GALNT10: variants seen among roughly 807,000 people sequenced by gnomAD.
The protein encoded by GALNT10 is GalNAc transferase 10.
In GALNT10, 41 loss-of-function variants were observed where a neutral mutation model predicts 75.0. The ratio of observed to expected loss-of-function variants is 0.55; its 90% CI spans 0.43 to 0.71. GALNT10 has a LOEUF of 0.71. Among genes scored for constraint, GALNT10 ranks in the 30% least tolerant of loss-of-function variants. The pLI is 0.00. For missense variants in GALNT10, 727 were observed against 818.5 expected, an observed-to-expected ratio of 0.89 and a Z score of 1.36; for synonymous variants, 302 against 313.0, an observed-to-expected ratio of 0.96 and a Z score of 0.37.
intron 6 of GALNT10, among the ~76,000 whole-genome samples, chr5:154,386,097 C>A (rs993961883): frequency 2.0e-5 from 3 of 152,150 alleles, no homozygotes; most frequent in Admixed American, 6.5e-5. Flanking sequence ...AAAGGAACTT[C>A]GGGTCCCATT....
At chr5:154,339,568 CAA>C (rs768488385) in intron 4 of GALNT10, among the ~76,000 whole-genome samples, 4 of 125,874 alleles carry the variant, frequency 3.2e-5, no homozygotes, top group Admixed American at 7.9e-5. Context: ...ACTGGGAGAG[CAA>C]AAAAAAAAAA....
At chr5:154,282,661 T>G (rs1328817967) in intron 1 of GALNT10, among the ~76,000 whole-genome samples, 1 of 152,218 alleles carries the variant, frequency 6.6e-6, no homozygotes, top group Non-Finnish European at 1.5e-5. Flanking sequence ...AGCTCTCTTT[T>G]GAGCTTTGTA....
chr5:154,407,042 C>G (rs1756296097), intron 8 of GALNT10, among the ~76,000 whole-genome samples: 1 of 152,180 alleles, frequency 6.6e-6, no homozygotes, highest in African/African-American at 2.4e-5. Flanking sequence ...AGTAGCCAGT[C>G]TTACATTGTT....
intron 5 of GALNT10, among the ~76,000 whole-genome samples, chr5:154,379,941 T>C (rs1755709308): frequency 6.6e-6 from 1 of 152,144 alleles, no homozygotes; most frequent in African/African-American, 2.4e-5. Context: ...AGGGTGCCAG[T>C]GAGCTGTTAG....
chr5:154,223,227 T>C (rs1420063202), intron 1 of GALNT10, among the ~76,000 whole-genome samples: 1 of 152,194 alleles, frequency 6.6e-6, no homozygotes, highest in African/African-American at 2.4e-5. Flanking sequence ...CTAATACTAA[T>C]CATTATTGCA....
intron 1 of GALNT10, among the ~76,000 whole-genome samples, chr5:154,289,478 G>A (rs10057248): frequency 0.11 from 16,766 of 152,158 alleles, 1,093 homozygotes; most frequent in African/African-American, 0.19. Flanking sequence ...AAGTGCAGTG[G>A]TGTAATGCCC....
In GALNT10 at chr5:154,409,646, A is replaced by G. The variant is rs1756355515; in HGVS notation, c.1270A>G (p.Lys424Glu). 1 of 1,613,896 alleles carries G rather than the reference A, an allele frequency of 6.2e-7. No homozygotes were observed. The highest frequency in any genetic ancestry group is 8.5e-7 in the Non-Finnish European group (1 of 1,179,754). ...CTCCGCTGGGGATGTCGCAGTCCAG[A>G]AAAAGCTCCGCAGCTCCCTTAACTG... The part of the protein sequence containing the change: ...HLSAGDVAVQ[K>E]KLRSSLNCKS... The change falls in exon 9 of 12, where the codon AAA becomes GAA. Residue 424 changes from lysine (K) to glutamate (E), a missense_variant. Transcript: ENST00000297107. The surrounding 1 kb of genome is among the most constrained non-coding windows in gnomAD (Gnocchi z 4.5).
At chr5:154,283,649 C>T (rs954758103) in intron 1 of GALNT10, among the ~76,000 whole-genome samples, 1 of 152,126 alleles carries the variant, frequency 6.6e-6, no homozygotes, top group Non-Finnish European at 1.5e-5. Flanking sequence ...ACATCATTGT[C>T]CAGGCAGAGA....
Position 154,398,495 on chromosome 5 carries a change from A to G in GALNT10, c.1057-5609A>G, listed in dbSNP as rs555576407. On this transcript the variant is annotated intron_variant, in intron 7 of 11. Transcript: ENST00000297107. ...CTTGGGTGGCCAGGCCCCAAATGGTATACAGGGACCCTGCCCCACCCCACC... is the reference window on the plus strand; with the variant it reads ...CTTGGGTGGCCAGGCCCCAAATGGTGTACAGGGACCCTGCCCCACCCCACC... Among the ~76,000 whole-genome samples the G allele has an allele frequency of 9.8e-5, 15 of 152,292 alleles. No individual in the cohort carries two copies. In the South Asian group the frequency reaches 2.7e-3, roughly 27 times the overall value.
chr5:154,408,799 T>C (rs760951648), intron 8 of GALNT10, among the ~76,000 whole-genome samples: 1 of 152,052 alleles, frequency 6.6e-6, no homozygotes, highest in Non-Finnish European at 1.5e-5. Flanking sequence ...AACTCTCAGT[T>C]GAAAATGACA....
At chr5:154,355,242 G>T (rs1031576811) in intron 4 of GALNT10, among the ~76,000 whole-genome samples, 1 of 152,100 alleles carries the variant, frequency 6.6e-6, no homozygotes, top group Non-Finnish European at 1.5e-5. Flanking sequence ...CTCCCTTCCT[G>T]CTCCTCCCCC....
chr5:154,301,196 A>T (rs1231815078), intron 3 of GALNT10, among the ~76,000 whole-genome samples: 2 of 152,212 alleles, frequency 1.3e-5, no homozygotes, highest in Non-Finnish European at 2.9e-5. Flanking sequence ...TAAAAAAATT[A>T]ACCTTTATCT....
intron 3 of GALNT10, among the ~76,000 whole-genome samples, chr5:154,310,519 G>C (rs566988940): frequency 6.6e-6 from 1 of 151,956 alleles, no homozygotes; most frequent in Non-Finnish European, 1.5e-5. Flanking sequence ...ATCCAGGCTG[G>C]AGTGCAGGCG....
intron 4 of GALNT10, among the ~76,000 whole-genome samples, chr5:154,348,572 A>G (rs997553439): frequency 2.0e-5 from 3 of 152,228 alleles, no homozygotes; most frequent in African/African-American, 7.2e-5. Flanking sequence ...TGTGGAGTAG[A>G]ACATCCATTA....
chr5:154,199,994 C>T (rs1402829116), intron 1 of GALNT10, among the ~76,000 whole-genome samples: 1 of 152,194 alleles, frequency 6.6e-6, no homozygotes. Context: ...GGCCACGCAG[C>T]TAGGAAGTGA....
intron 1 of GALNT10, among the ~76,000 whole-genome samples, chr5:154,279,923 G>A (rs752103815): frequency 1.3e-5 from 2 of 152,020 alleles, no homozygotes; most frequent in Non-Finnish European, 2.9e-5. Flanking sequence ...CCACTTCTGG[G>A]TATATATCCA....
Position 154,417,059 on chromosome 5 carries a change from C to G in GALNT10, c.*87C>G. 7.9e-7 allele frequency: 1 copy of G among 1,267,008 alleles called. No homozygotes were observed. Among genetic ancestry groups the G allele is most frequent in the African/African-American group, 1.5e-5 (1 of 68,136 alleles). 78.5% of individuals were successfully genotyped at this position (1,267,008 alleles called of 1,614,324 possible). On this transcript the variant is annotated 3_prime_UTR_variant, in exon 12 of 12. Transcript: ENST00000297107. ...AAGGGAGGCAGGGCCCCTGTGGGCACTAGGTGTAAAAGGTGCTGGCCAAAT... is the reference window on the plus strand; with the variant it reads ...AAGGGAGGCAGGGCCCCTGTGGGCAGTAGGTGTAAAAGGTGCTGGCCAAAT...
intron 1 of GALNT10, among the ~76,000 whole-genome samples, chr5:154,256,494 C>A (rs967987145): frequency 3.3e-5 from 5 of 151,658 alleles, no homozygotes; most frequent in Non-Finnish European, 5.9e-5. Flanking sequence ...TTTATTATTT[C>A]ATATCACTAG....
At chr5:154,317,874 A>T (rs886426447) in intron 3 of GALNT10, among the ~76,000 whole-genome samples, 1 of 152,050 alleles carries the variant, frequency 6.6e-6, no homozygotes, top group Non-Finnish European at 1.5e-5. Context: ...TCTCTCTCCA[A>T]CTCTTGGCTC....
Sources: gnomAD v4.1 joint callset for allele counts (sites outside exome capture counted in the v4.1 genomes callset) on GRCh38, gnomAD v4.1.1 for gene constraint, Gnocchi (gnomAD v3.1) non-coding constraint, MANE v1.5 for transcripts, NCBI Gene and HGNC (gene_info 2026-07-23, HGNC 2026-07-21) for gene names.